The following FBXW11 variants were observed in gnomAD, a reference collection of about 807,000 sequenced individuals.
The protein encoded by FBXW11 is F-box and WD repeat domain containing 11, also known as F-box/WD repeat-containing protein 11.
Under a neutral mutation model 77.6 loss-of-function variants are expected in FBXW11, and 19 were observed. The ratio of observed to expected loss-of-function variants is 0.24; its 90% CI spans 0.17 to 0.36. The LOEUF (loss-of-function observed/expected upper bound fraction) is 0.36. Ranked by LOEUF, FBXW11 falls within the 10% of genes least tolerant of loss-of-function variation. The pLI is 1.00. For missense variants in FBXW11, 334 were observed against 704.2 expected (o/e 0.47, Z 5.95); for synonymous variants, 235 against 249.4 (o/e 0.94, Z 0.54).
chr5:171,949,475 G>A (rs1392506204), intron 2 of FBXW11, among the ~76,000 whole-genome samples: 1 of 152,004 alleles, frequency 6.6e-6, no homozygotes, highest in African/African-American at 2.4e-5. Context: ...TATAAGAAAG[G>A]AACAAGTATA....
chr5:171,924,401 C>T (rs772456967), intron 2 of FBXW11, among the ~76,000 whole-genome samples: 3 of 152,122 alleles, frequency 2.0e-5, no homozygotes, highest in Non-Finnish European at 4.4e-5. Context: ...ACTTACTGCC[C>T]GCACCTCTCC....
chr5:171,901,662 C>T (rs1760121820), intron 4 of FBXW11, among the ~76,000 whole-genome samples: 1 of 152,170 alleles, frequency 6.6e-6, no homozygotes, highest in Non-Finnish European at 1.5e-5. Flanking sequence ...TCACAGAAGA[C>T]GCCTAAGATG....
chr5:171,893,421 C>CAAAAAAAAAAAAA (rs397999920), intron 6 of FBXW11, among the ~76,000 whole-genome samples: 639 of 39,794 alleles, frequency 0.016, 171 homozygotes, highest in Admixed American at 0.023. Flanking sequence ...ACTTCAAAAC[C>CAAAAAAAAAAAAA]AAAAAAAAAA....
chr5:171,942,425 G>C (rs1019503814), intron 2 of FBXW11, among the ~76,000 whole-genome samples: 1 of 152,150 alleles, frequency 6.6e-6, no homozygotes, highest in Non-Finnish European at 1.5e-5. Flanking sequence ...CAGACCAGCT[G>C]TTTCACAGTC....
intron 7 of FBXW11, among the ~76,000 whole-genome samples, chr5:171,882,438 A>T (rs1033297323): frequency 6.6e-6 from 1 of 152,114 alleles, no homozygotes; most frequent in Non-Finnish European, 1.5e-5. Context: ...AGTAGCTGGG[A>T]CTACAGACGC....
At chr5:171,881,585 T>C (rs946647431) in intron 7 of FBXW11, among the ~76,000 whole-genome samples, 1 of 152,354 alleles carries the variant, frequency 6.6e-6, no homozygotes, top group East Asian at 1.9e-4. Flanking sequence ...AAGGTAACAA[T>C]GGCCTCATAG....
intron 9 of FBXW11, among the ~76,000 whole-genome samples, chr5:171,875,440 G>A (rs1208016748): frequency 1.3e-5 from 2 of 152,194 alleles, no homozygotes; most frequent in African/African-American, 4.8e-5. Context: ...GTGATCACCA[G>A]GGACTGGGAA....
intron 13 of FBXW11, among the ~76,000 whole-genome samples, chr5:171,865,489 T>C (rs1256158537): frequency 1.3e-5 from 2 of 152,152 alleles, no homozygotes; most frequent in African/African-American, 4.8e-5. Context: ...TCTAATATAA[T>C]TTGGCAATTA....
intron 13 of FBXW11, among the ~76,000 whole-genome samples, chr5:171,864,895 C>T (rs59430359): frequency 6.6e-6 from 1 of 151,322 alleles, no homozygotes; most frequent in Admixed American, 6.6e-5. Context: ...TCAAAACCCA[C>T]TCAGATACTG....
chr5:171,980,012 C>T (rs1340829521), intron 1 of FBXW11, among the ~76,000 whole-genome samples: 3 of 152,164 alleles, frequency 2.0e-5, no homozygotes, highest in Non-Finnish European at 4.4e-5. Context: ...TTGTGGAATG[C>T]TGAGAAAGGT....
Position 171,861,772 on chromosome 5 carries a change from T to C in FBXW11, c.*2355A>G, listed in dbSNP as rs960434875. The C allele has an allele frequency of 2.0e-5, 3 of 152,684 alleles. No individual in the cohort carries two copies. The highest frequency in any genetic ancestry group is 6.5e-5 in the Admixed American group (1 of 15,288). The allele number at this position is 152,684 out of a possible 1,614,324, so 9.5% of individuals were successfully genotyped here. A position where few individuals can be genotyped will look rare whatever the true frequency, so the allele number is the denominator to read the frequency against. On this transcript the variant is annotated 3_prime_UTR_variant, in exon 14 of 14. Transcript: ENST00000517395. Reference sequence around the variant, plus strand: ...TATCTGTACAATTTAACAGTTTCAATAGCTGTTCAGACACAAATTTATTTC... The same window carrying C: ...TATCTGTACAATTTAACAGTTTCAACAGCTGTTCAGACACAAATTTATTTC...
intron 1 of FBXW11, among the ~76,000 whole-genome samples, chr5:172,002,225 C>T (rs1766449682): frequency 6.6e-6 from 1 of 152,108 alleles, no homozygotes; most frequent in Admixed American, 6.6e-5. Flanking sequence ...CCTGGGCTAG[C>T]TCCCTATTTG....
At chr5:171,951,981 C>G (rs1763344472) in intron 2 of FBXW11, among the ~76,000 whole-genome samples, 1 of 152,054 alleles carries the variant, frequency 6.6e-6, no homozygotes, top group Non-Finnish European at 1.5e-5. Flanking sequence ...TTAGCTATTT[C>G]TATAAGGAGA....
At chr5:171,940,103 A>G (rs891688296) in intron 2 of FBXW11, among the ~76,000 whole-genome samples, 15 of 152,140 alleles carry the variant, frequency 9.9e-5, no homozygotes, top group African/African-American at 3.4e-4. Context: ...GATTGAATCC[A>G]TGGAATGCGG....
chr5:171,926,118 G>A (rs948419429), intron 2 of FBXW11, among the ~76,000 whole-genome samples: 6 of 152,114 alleles, frequency 3.9e-5, no homozygotes, highest in South Asian at 2.1e-4. Context: ...AAGTACACAC[G>A]TATCTTTTTA....
At chr5:171,913,682 T>C (rs1349649560) in intron 3 of FBXW11, among the ~76,000 whole-genome samples, 2 of 152,148 alleles carry the variant, frequency 1.3e-5, no homozygotes, top group African/African-American at 4.8e-5. Context: ...ATTTTTACAT[T>C]ATTATCTTCA....
intron 7 of FBXW11, among the ~76,000 whole-genome samples, chr5:171,878,859 GACA>G (rs1758311637): frequency 6.6e-6 from 1 of 151,980 alleles, no homozygotes; most frequent in African/African-American, 2.4e-5. Context: ...AAAGCAACAT[GACA>G]ACGTCTATTA....
chr5:171,960,788 A>C (rs1053923987), intron 1 of FBXW11, among the ~76,000 whole-genome samples: 3 of 152,250 alleles, frequency 2.0e-5, no homozygotes, highest in Non-Finnish European at 2.9e-5. Flanking sequence ...CAATGTGGAA[A>C]ACAATCAACA....
In FBXW11 at chr5:171,939,696, C is replaced by CA. The variant is rs58051402; in HGVS notation, c.147+17900dup. Among the ~76,000 whole-genome samples the CA allele has an allele frequency of 5.3e-3, 423 of 79,922 alleles. 3 individuals carry two copies. Among genetic ancestry groups the CA allele is most frequent in the African/African-American group, 0.014 (321 of 23,518 alleles). 52.4% of individuals were successfully genotyped at this position (79,922 alleles called of 152,430 possible). A position where few individuals can be genotyped will look rare whatever the true frequency, so the allele number is the denominator to read the frequency against. On this transcript the variant is annotated intron_variant, in intron 2 of 13. Transcript: ENST00000517395. ...TGGGCTACACAGCAAGACCCTGTCT[C>CA]AAAAAAAAAAAAAAAAAAAAAAGAA...
Sources: gnomAD v4.1 joint callset for allele counts (sites outside exome capture counted in the v4.1 genomes callset) on GRCh38, gnomAD v4.1.1 for gene constraint, MANE v1.5 for transcripts, NCBI Gene and HGNC (gene_info 2026-07-23, HGNC 2026-07-21) for gene names.